The following DMD variants were observed in gnomAD, a reference collection of about 807,000 sequenced individuals.
DMD encodes mutant dystrophin.
In DMD, 63 loss-of-function variants were observed where a neutral mutation model predicts 330.1. The observed-to-expected ratio is 0.19, with a 90% CI of 0.16 to 0.24. The LOEUF (loss-of-function observed/expected upper bound fraction) is 0.24, where lower values mean the gene tolerates loss of function less well. Among genes scored for constraint, DMD ranks in the 10% least tolerant of loss-of-function variants. DMD has a pLI of 1.00. For synonymous variants in DMD, 1,223 were observed against 959.8 expected, an observed-to-expected ratio of 1.27 and a Z score of -5.07; for missense variants, 3,344 against 2,684.1, an observed-to-expected ratio of 1.25 and a Z score of -5.43.
At chrX:33,206,530 G>C (rs1487589895) in intron 1 of DMD, among the ~76,000 whole-genome samples, 1 of 111,491 alleles carries the variant, frequency 9.0e-6, no homozygotes, top group Non-Finnish European at 1.9e-5. Flanking sequence ...AAGAAAGCAG[G>C]AATACATTGA....
chrX:31,720,223 G>A lies in DMD; in HGVS notation c.7660+9408C>T, dbSNP rs112860180. ...ACAACAGAATAAAGACAGGTGGCAA[G>A]CAATTTTCAAATCATGTATAAGTAA... On this transcript the variant is annotated intron_variant, in intron 52 of 78. Transcript: ENST00000357033. 5.1e-3 allele frequency among the ~76,000 whole-genome samples: 570 copies of A among 112,167 alleles called. 3 individuals are homozygous for A. The highest frequency in any genetic ancestry group is 8.1e-3 in the Non-Finnish European group (430 of 53,177).
chrX:31,303,889 T>C (rs2054836641), intron 62 of DMD, among the ~76,000 whole-genome samples: 1 of 112,148 alleles, frequency 8.9e-6, no homozygotes, highest in African/African-American at 3.2e-5. Context: ...GGCTATACTT[T>C]GGAGGTATCA....
At chrX:33,241,039 A>C (rs931903034) in intron 1 of DMD, among the ~76,000 whole-genome samples, 20 of 111,285 alleles carry the variant, frequency 1.8e-4, no homozygotes, top group African/African-American at 6.5e-4. Flanking sequence ...TCTTTCCTTT[A>C]CTGTGCAGAA....
chrX:32,081,286 T>C (rs2096389753), intron 44 of DMD, among the ~76,000 whole-genome samples: 1 of 112,340 alleles, frequency 8.9e-6, no homozygotes, highest in African/African-American at 3.2e-5. Context: ...TTGTGTTGCA[T>C]GTCATCTGGT....
In DMD at chrX:32,029,388, T is replaced by C. The variant is rs187688998; in HGVS notation, c.6439-60874A>G. Among the ~76,000 whole-genome samples, 296 of 111,360 alleles carry C rather than the reference T, an allele frequency of 2.7e-3. 1 individual carries two copies. Among genetic ancestry groups the C allele is most frequent in the African/African-American group, 9.0e-3 (277 of 30,700 alleles). ...AATATAACATAAATAATCAACACCA[T>C]AGGCAATAAGATAGACATCTTATTG... On this transcript the variant is annotated intron_variant, in intron 44 of 78. Transcript: ENST00000357033.
At chrX:31,550,812 C>T (rs2074428952) in intron 55 of DMD, among the ~76,000 whole-genome samples, 1 of 111,879 alleles carries the variant, frequency 8.9e-6, no homozygotes, top group Non-Finnish European at 1.9e-5. Context: ...GTTTCCCATA[C>T]AGCAGACTGA....
intron 55 of DMD, among the ~76,000 whole-genome samples, chrX:31,557,861 A>G (rs921880809): frequency 4.8e-5 from 5 of 105,034 alleles, no homozygotes; most frequent in South Asian, 4.1e-4. Context: ...TACAGATTGG[A>G]AAAAAAAAAA....
At chrX:31,772,594 G>T (rs952157331) in intron 51 of DMD, among the ~76,000 whole-genome samples, 1 of 110,855 alleles carries the variant, frequency 9.0e-6, no homozygotes, top group Non-Finnish European at 1.9e-5. Flanking sequence ...AGTTATTACC[G>T]CAGCAATAGT....
At chrX:32,702,591 T>A (rs866342424) in intron 7 of DMD, among the ~76,000 whole-genome samples, 2 of 111,276 alleles carry the variant, frequency 1.8e-5, no homozygotes, top group African/African-American at 6.5e-5. Context: ...TACTTTTCAA[T>A]GAGAGGGTGA....
At chrX:32,051,923 A>G (rs963231365) in intron 44 of DMD, among the ~76,000 whole-genome samples, 2 of 111,704 alleles carry the variant, frequency 1.8e-5, no homozygotes, top group East Asian at 5.7e-4. Flanking sequence ...CTTTGTATTC[A>G]CAGGACAACA....
chrX:32,480,092 G>A (rs1386358454), intron 21 of DMD, among the ~76,000 whole-genome samples: 1 of 111,299 alleles, frequency 9.0e-6, no homozygotes, highest in African/African-American at 3.3e-5. Flanking sequence ...ATTTAAAAAT[G>A]GGCAAGGGAT....
intron 1 of DMD, among the ~76,000 whole-genome samples, chrX:33,313,634 C>T (rs1446154111): frequency 9.2e-6 from 1 of 109,111 alleles, no homozygotes; most frequent in Non-Finnish European, 1.9e-5. Context: ...CTATACAGTG[C>T]TACTTAGAAC....
At chrX:33,046,187 G>A (rs1196369311) in intron 1 of DMD, among the ~76,000 whole-genome samples, 1 of 111,191 alleles carries the variant, frequency 9.0e-6, no homozygotes. Context: ...GAATGTGACC[G>A]GTAGACCTGA....
chrX:31,729,868 G>A, intron 51 of DMD, 120 bp from the exon 52 acceptor site: 2 of 584,811 alleles, frequency 3.4e-6, no homozygotes, highest in Non-Finnish European at 5.9e-6. Context: ...TAAAAAAGAT[G>A]TTACTGTATA....
At position 31,514,497 on chromosome X, in the gene DMD, G is replaced by A. The variant is rs1435274171; in HGVS notation, c.8218-7044C>T. ...ACTCATGGCAAAGTGCAGTTAAATA[G>A]ACATAGGTTTGACCCTTCTCTTCTC... is the stretch of plus-strand genomic sequence containing the variant. On this transcript the variant is annotated intron_variant, in intron 55 of 78. Coordinates refer to ENST00000357033, the MANE Select transcript of DMD (RefSeq NM_004006.3). Among the ~76,000 whole-genome samples the A allele has an allele frequency of 2.7e-5, 3 of 111,775 alleles. 1 individual carries two copies. Among genetic ancestry groups the A allele is most frequent in the African/African-American group, 9.7e-5 (3 of 30,897 alleles).
chrX:31,242,700 A>ATGTGTGTG (rs3138883), intron 63 of DMD, among the ~76,000 whole-genome samples: 3,026 of 95,056 alleles, frequency 0.032, 50 homozygotes, highest in African/African-American at 0.064. Context: ...ACAATAAGAT[A>ATGTGTGTG]TGTGTGTGTG....
chrX:31,178,025 A>T (rs2040723904), intron 70 of DMD, 55 bp from the exon 71 acceptor site: 1 of 1,140,117 alleles, frequency 8.8e-7, no homozygotes, highest in Admixed American at 2.3e-5. Flanking sequence ...CAGCCGCAAA[A>T]AAATTTACTG....
intron 56 of DMD, among the ~76,000 whole-genome samples, chrX:31,506,410 C>A (rs1376488507): frequency 8.9e-6 from 1 of 111,814 alleles, no homozygotes; most frequent in African/African-American, 3.3e-5. Flanking sequence ...TTTCTCTAGA[C>A]ACAGAAGAAA....
Position 31,875,333 on chromosome X carries a change from G to A in DMD, c.6953C>T (p.Ala2318Val), listed in dbSNP as rs771215006. ...ALPEKQGEIE[A>V]QIKDLGQLEK... Reference sequence around the variant, plus strand: ...AAGCTGCCCAAGGTCTTTTATTTGAGCTTCAATTTCTCCTTGTTTCTCAGG... The same window carrying A: ...AAGCTGCCCAAGGTCTTTTATTTGAACTTCAATTTCTCCTTGTTTCTCAGG... The change falls in exon 48 of 79, where the codon GCT (alanine) becomes GTT (valine). Residue 2318 changes from alanine (A) to valine (V), a missense_variant. Transcript: ENST00000357033. 130 of 1,200,844 alleles carry A rather than the reference G, an allele frequency of 1.1e-4. No individual in the cohort carries two copies. The highest frequency in any genetic ancestry group is 1.4e-4 in the Non-Finnish European group (126 of 889,821).
Sources: gnomAD v4.1 joint callset for allele counts (sites outside exome capture counted in the v4.1 genomes callset) on GRCh38, gnomAD v4.1.1 for gene constraint, MANE v1.5 for transcripts, NCBI Gene and HGNC (gene_info 2026-07-23, HGNC 2026-07-21) for gene names.